Variants in IGF2BP1 observed in about 807,000 individuals in gnomAD.
The protein encoded by IGF2BP1 is insulin like growth factor 2 mRNA binding protein 1.
IGF2BP1 carries 11 observed loss-of-function variants against 74.9 expected under a neutral mutation model. That is an observed-to-expected ratio of 0.15 (90% CI 0.09 to 0.24). The LOEUF (loss-of-function observed/expected upper bound fraction) is 0.24, where lower values mean the gene tolerates loss of function less well. Ranked by LOEUF, IGF2BP1 falls within the 10% of genes least tolerant of loss-of-function variation. The probability of loss-of-function intolerance (pLI) is 1.00; values close to 1 mark genes in which losing one functional copy is unlikely to be tolerated. For synonymous variants in IGF2BP1, 287 were observed against 281.8 expected, an observed-to-expected ratio of 1.02 and a Z score of -0.18; for missense variants, 440 against 757.4, an observed-to-expected ratio of 0.58 and a Z score of 4.92.
At chr17:49,044,961 T>C (rs771113275) in intron 11 of IGF2BP1, 30 bp from the exon 12 acceptor site, 5 of 1,589,066 alleles carry the variant, frequency 3.1e-6, no homozygotes, top group Non-Finnish European at 3.5e-6. Flanking sequence ...CCATAGAGGG[T>C]CCCTCATTGA....
chr17:49,009,527 T>TG (rs1321615491), intron 2 of IGF2BP1, among the ~76,000 whole-genome samples: 4 of 149,136 alleles, frequency 2.7e-5, no homozygotes, highest in East Asian at 2.1e-4. Flanking sequence ...CTGGCCAACA[T>TG]TTGAAACCCT....
chr17:49,011,810 C>G (rs1481970946), intron 2 of IGF2BP1, among the ~76,000 whole-genome samples: 3 of 151,688 alleles, frequency 2.0e-5, no homozygotes, highest in African/African-American at 7.3e-5. Context: ...TCTCCTTGCT[C>G]TGAGCCTCCC....
At position 49,025,311 on chromosome 17, in the gene IGF2BP1, AAAGTGT is replaced by A. The variant is rs1180434939; in HGVS notation, c.237-306_237-301del. Reference sequence around the variant, plus strand: ...GGAATGAGAAAGTGGTGGGACAAACAAAGTGTGTGTGTGTGTGTGTGTGTGTGTGTG... The same window carrying A: ...GGAATGAGAAAGTGGTGGGACAAACAGTGTGTGTGTGTGTGTGTGTGTGTG... On this transcript the variant is annotated intron_variant, in intron 2 of 14. Transcript: ENST00000290341. Among the ~76,000 whole-genome samples, 113 of 108,810 alleles carry A rather than the reference AAAGTGT, an allele frequency of 1.0e-3. 1 individual carries two copies. Among genetic ancestry groups the A allele is most frequent in the South Asian group, 7.8e-3 (23 of 2,932 alleles). The allele number at this position is 108,810 out of a possible 152,430, so 71.4% of individuals were successfully genotyped here. A position where few individuals can be genotyped will look rare whatever the true frequency, so the allele number is the denominator to read the frequency against.
In IGF2BP1 at chr17:49,030,141, CTT is replaced by C. The variant is rs35530909; in HGVS notation, c.338-1752_338-1751del. ...ATTCCTGTCAGTCCATTTAGCTGGA[CTT>C]TTTTTTTTTTTTTTTTGAGATAGAG... On this transcript the variant is annotated intron_variant, in intron 4 of 14. Transcript: ENST00000290341. 7.0e-3 allele frequency among the ~76,000 whole-genome samples: 848 copies of C among 120,720 alleles called. 5 individuals are homozygous for C. Among genetic ancestry groups the C allele is most frequent in the African/African-American group, 0.021 (631 of 30,496 alleles). The allele number at this position is 120,720 out of a possible 152,430, so 79.2% of individuals were successfully genotyped here.
chr17:49,005,989 G>A (rs1181144930), intron 2 of IGF2BP1, among the ~76,000 whole-genome samples: 1 of 152,106 alleles, frequency 6.6e-6, no homozygotes, highest in Non-Finnish European at 1.5e-5. Flanking sequence ...TTAAATCTGA[G>A]AGGTGGAGGT....
chr17:49,022,210 T>A (rs1037041032), intron 2 of IGF2BP1, among the ~76,000 whole-genome samples: 12 of 152,132 alleles, frequency 7.9e-5, no homozygotes, highest in Non-Finnish European at 1.8e-4. Flanking sequence ...CTGCCCCAGC[T>A]CAGCCTACAC....
At chr17:49,001,348 A>G (rs1281411915) in intron 2 of IGF2BP1, among the ~76,000 whole-genome samples, 1 of 152,152 alleles carries the variant, frequency 6.6e-6, no homozygotes, top group Admixed American at 6.5e-5. Context: ...TTGTGTATAT[A>G]TACTCTTGTA....
intron 5 of IGF2BP1, among the ~76,000 whole-genome samples, chr17:49,035,187 T>C (rs2041972170): frequency 6.6e-6 from 1 of 152,214 alleles, no homozygotes. Context: ...AAAGACAGTT[T>C]ATTAGGAAAG....
intron 14 of IGF2BP1, among the ~76,000 whole-genome samples, chr17:49,049,033 A>G (rs1567829872): frequency 6.6e-6 from 1 of 151,972 alleles, no homozygotes; most frequent in Non-Finnish European, 1.5e-5. Context: ...TGCGTTTGGT[A>G]ATGTTTATCA....
At chr17:49,045,365 T>G (rs896166440) in intron 12 of IGF2BP1, among the ~76,000 whole-genome samples, 1 of 152,228 alleles carries the variant, frequency 6.6e-6, no homozygotes, top group East Asian at 1.9e-4. Context: ...AATGCCAAAT[T>G]CTCATCTTTT....
At chr17:49,042,108 A>C in intron 8 of IGF2BP1, 134 bp from the exon 9 acceptor site, 1 of 1,163,554 alleles carries the variant, frequency 8.6e-7, no homozygotes, top group Non-Finnish European at 1.2e-6. Flanking sequence ...CTGGGGTTGC[A>C]GAGTTATTTG....
At chr17:49,016,592 G>A (rs188004041) in intron 2 of IGF2BP1, among the ~76,000 whole-genome samples, 146 of 152,244 alleles carry the variant, frequency 9.6e-4, no homozygotes, top group Non-Finnish European at 1.8e-3. Flanking sequence ...AGGAGGCAGT[G>A]CGTGTATGCC....
At chr17:49,043,879 C>T in intron 10 of IGF2BP1, 88 bp from the exon 11 acceptor site, 2 of 1,547,132 alleles carry the variant, frequency 1.3e-6, no homozygotes, top group East Asian at 2.2e-5. Flanking sequence ...TGTACTCCTT[C>T]CTCCTTGAGG....
chr17:49,046,635 ATAAC>A (rs1026477028), intron 14 of IGF2BP1, among the ~76,000 whole-genome samples: 5 of 149,288 alleles, frequency 3.3e-5, no homozygotes, highest in Non-Finnish European at 5.9e-5. Context: ...ATATATATAA[ATAAC>A]ATATATATGA....
chr17:49,055,466 A>T lies in IGF2BP1; in HGVS notation c.*6022A>T. ...TCCCCTGCCAATAAGCTCCCCCAGG[A>T]ATAAAGGCTTTGTTTTGGGGATGCT... is the stretch of plus-strand genomic sequence containing the variant. On this transcript the variant is annotated 3_prime_UTR_variant, in exon 15 of 15. Transcript: ENST00000290341. The T allele has an allele frequency of 5.9e-6, 2 of 338,090 alleles. No individual in the cohort carries two copies. The highest frequency in any genetic ancestry group is 1.1e-5 in the Non-Finnish European group (2 of 187,848). 20.9% of individuals were successfully genotyped at this position (338,090 alleles called of 1,614,324 possible). A position where few individuals can be genotyped will look rare whatever the true frequency, so the allele number is the denominator to read the frequency against.
In IGF2BP1 at chr17:48,997,975, G is replaced by T; in HGVS notation, c.175+55G>T. On this transcript the variant is annotated intron_variant, in intron 1 of 14. Transcript: ENST00000290341. The surrounding 1 kb of genome is among the most constrained non-coding windows in gnomAD (Gnocchi z 4.8). The stretch of plus-strand genomic sequence containing the variant: ...CACAACGAGAGCCCCGAACAACGGA[G>T]ACCCGCACCTTCCGGTTCCTCTCCC... The T allele has an allele frequency of 1.1e-5, 17 of 1,571,052 alleles. No homozygotes were observed. Among genetic ancestry groups the T allele is most frequent in the South Asian group, 1.2e-5 (1 of 86,538 alleles).
chr17:49,053,299 C>G lies in IGF2BP1; in HGVS notation c.*3855C>G, dbSNP rs956351342. The G allele has an allele frequency of 3.3e-5, 5 of 152,662 alleles. No individual in the cohort carries two copies. The highest frequency in any genetic ancestry group is 7.3e-5 in the Non-Finnish European group (5 of 68,076). The allele number at this position is 152,662 out of a possible 1,614,324, so 9.5% of individuals were successfully genotyped here. ...TGTGCCAAAGACAGACAGACAGAGG[C>G]TGAGAGAGGCTGTTCCTGAATCAAA... is the stretch of plus-strand genomic sequence containing the variant. On this transcript the variant is annotated 3_prime_UTR_variant, in exon 15 of 15. Coordinates refer to ENST00000290341, the MANE Select transcript of IGF2BP1 (RefSeq NM_006546.4).
chr17:49,001,852 G>A (rs1305107213), intron 2 of IGF2BP1, among the ~76,000 whole-genome samples: 1 of 152,108 alleles, frequency 6.6e-6, no homozygotes, highest in Admixed American at 6.5e-5. Context: ...TTGAGGTAAA[G>A]GGGGTACCAT....
intron 12 of IGF2BP1, among the ~76,000 whole-genome samples, chr17:49,045,556 A>G (rs779820076): frequency 2.0e-5 from 3 of 152,228 alleles, no homozygotes; most frequent in Non-Finnish European, 4.4e-5. Flanking sequence ...GGGCCTTGAA[A>G]TGCTGGTCAG....
Sources: gnomAD v4.1 joint callset for allele counts (sites outside exome capture counted in the v4.1 genomes callset) on GRCh38, gnomAD v4.1.1 for gene constraint, Gnocchi (gnomAD v3.1) non-coding constraint, MANE v1.5 for transcripts, NCBI Gene and HGNC (gene_info 2026-07-23, HGNC 2026-07-21) for gene names.